Variants in BCKDHB observed in about 807,000 individuals in gnomAD.
BCKDHB encodes the protein 2-oxoisovalerate dehydrogenase subunit beta, mitochondrial.
A neutral mutation model predicts 48.5 loss-of-function variants in BCKDHB; 41 were observed. The ratio of observed to expected loss-of-function variants is 0.85; its 90% CI spans 0.66 to 1.10. BCKDHB has a LOEUF of 1.10. Ranked by LOEUF, BCKDHB falls within the 50% of genes least tolerant of loss-of-function variation. The probability of loss-of-function intolerance (pLI) is 0.00; values close to 1 mark genes in which losing one functional copy is unlikely to be tolerated. For missense variants in BCKDHB, 496 were observed against 494.2 expected, an observed-to-expected ratio of 1.00 and a Z score of -0.03; for synonymous variants, 201 against 174.8, an observed-to-expected ratio of 1.15 and a Z score of -1.18.
chr6:80,307,716 T>C (rs932956717), intron 9 of BCKDHB: 1 of 976,580 alleles, frequency 1.0e-6, no homozygotes, highest in South Asian at 4.7e-5. Context: ...AATGTCCAGA[T>C]TGACTTTTGT....
intron 8 of BCKDHB, among the ~76,000 whole-genome samples, chr6:80,239,041 A>C (rs2127907343): frequency 6.6e-6 from 1 of 152,318 alleles, no homozygotes; most frequent in Admixed American, 6.5e-5. Context: ...TGCTATTGTG[A>C]ATAATGCTGC....
chr6:80,346,762 T>C (rs1770218854), downstream of BCKDHB, among the ~76,000 whole-genome samples: 1 of 152,144 alleles, frequency 6.6e-6, no homozygotes. Flanking sequence ...TTGGGGACAT[T>C]GTCCAGTCCT....
At chr6:80,378,058 A>T in the BCKDHB span, among the ~76,000 whole-genome samples, 22 of 151,774 alleles carry the variant, frequency 1.4e-4, no homozygotes, top group African/African-American at 4.1e-4. Flanking sequence ...TTACTGCAAA[A>T]TTTTTTCTTT....
chr6:80,357,698 A>G, the BCKDHB span, among the ~76,000 whole-genome samples: 7,582 of 152,248 alleles, frequency 0.05, 203 homozygotes, highest in East Asian at 0.11. Flanking sequence ...TGGAGTTTGG[A>G]TGGCTGTGTA....
the BCKDHB span, among the ~76,000 whole-genome samples, chr6:80,407,430 C>T: frequency 1.3e-5 from 2 of 151,932 alleles, no homozygotes; most frequent in African/African-American, 4.8e-5. Flanking sequence ...GGCATTGAAT[C>T]TATAAGTTAC....
intron 9 of BCKDHB, among the ~76,000 whole-genome samples, chr6:80,317,630 C>T (rs1301315033): frequency 1.3e-5 from 2 of 152,218 alleles, no homozygotes; most frequent in Non-Finnish European, 2.9e-5. Flanking sequence ...TTTTTAATTA[C>T]ACCTGCAAAG....
the BCKDHB span, among the ~76,000 whole-genome samples, chr6:80,410,753 A>G: frequency 6.6e-6 from 1 of 152,188 alleles, no homozygotes; most frequent in African/African-American, 2.4e-5. Flanking sequence ...AAGCTTGTGC[A>G]TGCATCATGA....
At chr6:80,166,618 T>G (rs1222295296) in intron 3 of BCKDHB, among the ~76,000 whole-genome samples, 1 of 151,282 alleles carries the variant, frequency 6.6e-6, no homozygotes, top group Non-Finnish European at 1.5e-5. Context: ...ATTGCGCCAT[T>G]GCACTCTAGC....
At chr6:80,453,738 C>G in the BCKDHB span, among the ~76,000 whole-genome samples, 1 of 152,252 alleles carries the variant, frequency 6.6e-6, no homozygotes, top group African/African-American at 2.4e-5. Flanking sequence ...TGTGAACACC[C>G]TCAGCTCTGG....
In BCKDHB at chr6:80,188,605, A is replaced by C. The variant is rs139294451; in HGVS notation, c.743-12329A>C. On this transcript the variant is annotated intron_variant, in intron 6 of 9. Coordinates refer to ENST00000320393, the MANE Select transcript of BCKDHB (RefSeq NM_183050.4). ...AAGTGAGCCGAGATTGCACCACTGCACTCCAGCCTGGGCGATAGGGTGACA... is the reference window on the plus strand; with the variant it reads ...AAGTGAGCCGAGATTGCACCACTGCCCTCCAGCCTGGGCGATAGGGTGACA... Among the ~76,000 whole-genome samples, 10 of 151,950 alleles carry C rather than the reference A, an allele frequency of 6.6e-5. No homozygotes were observed. In the East Asian group the frequency reaches 1.9e-3, roughly 30 times the overall value.
At chr6:80,374,541 T>C in the BCKDHB span, 1 of 714,670 alleles carries the variant, frequency 1.4e-6, no homozygotes, top group Non-Finnish European at 2.6e-6. Flanking sequence ...TTTTGTGGGG[T>C]TCTCCCGGTC....
the BCKDHB span, among the ~76,000 whole-genome samples, chr6:80,391,109 A>G: frequency 0.91 from 137,799 of 151,974 alleles, 63,878 homozygotes; most frequent in East Asian, 1. Flanking sequence ...CCTCAAGCTT[A>G]CAGGCAGCAT....
rs764118159 is a variant in BCKDHB at position 80,106,909 on chromosome 6, A to T, written c.196+20A>T. ...AGTACGGTGAGCCCTGGGACTGCCC[A>T]CTCGGTCCCGCTGCAGCCCGGACTC... On this transcript the variant is annotated intron_variant, in intron 1 of 9. Transcript: ENST00000320393. The T allele has an allele frequency of 1.0e-5, 16 of 1,590,948 alleles. No individual in the cohort carries two copies. In the South Asian group the frequency reaches 1.8e-4, roughly 18 times the overall value.
At chr6:80,289,103 T>C (rs186643729) in intron 9 of BCKDHB, among the ~76,000 whole-genome samples, 1 of 152,346 alleles carries the variant, frequency 6.6e-6, no homozygotes, top group East Asian at 1.9e-4. Flanking sequence ...AATTCATGTA[T>C]ATCTAGAACT....
the BCKDHB span, among the ~76,000 whole-genome samples, chr6:80,352,569 A>T: frequency 7.2e-5 from 11 of 152,272 alleles, no homozygotes; most frequent in South Asian, 2.3e-3. Flanking sequence ...ATTGCTTGCA[A>T]CCAAAAGCAT....
intron 3 of BCKDHB, among the ~76,000 whole-genome samples, chr6:80,157,671 G>A (rs1041223922): frequency 1.1e-4 from 16 of 150,794 alleles, no homozygotes; most frequent in Non-Finnish European, 3.0e-5. Flanking sequence ...TAGAGACAGG[G>A]TTTCTCCATG....
chr6:80,391,833 G>A, the BCKDHB span, among the ~76,000 whole-genome samples: 1 of 152,080 alleles, frequency 6.6e-6, no homozygotes, highest in Non-Finnish European at 1.5e-5. Context: ...GCACATTGCT[G>A]TATTGATTAT....
intron 9 of BCKDHB, among the ~76,000 whole-genome samples, chr6:80,319,539 C>T (rs1022625328): frequency 4.6e-5 from 7 of 152,198 alleles, no homozygotes; most frequent in Non-Finnish European, 7.3e-5. Flanking sequence ...CTCTTACTTA[C>T]GGTTTAGGAG....
the BCKDHB span, among the ~76,000 whole-genome samples, chr6:80,361,003 C>A: frequency 2.8e-3 from 324 of 117,616 alleles, no homozygotes; most frequent in Middle Eastern, 4.1e-3. Flanking sequence ...GACTCCATCT[C>A]AAAAAAAAAA....
Sources: allele counts gnomAD v4.1 joint callset (sites outside exome capture counted in the v4.1 genomes callset), GRCh38; gene constraint gnomAD v4.1.1; transcripts MANE v1.5; gene names NCBI Gene and HGNC (gene_info 2026-07-23, HGNC 2026-07-21).